IPPK: variants seen among roughly 807,000 people sequenced by gnomAD.
The protein encoded by IPPK is IPK1 homolog.
A neutral mutation model predicts 64.6 loss-of-function variants in IPPK; 22 were observed. The observed-to-expected ratio is 0.34, with a 90% CI of 0.24 to 0.49. The LOEUF is 0.49. Ranked by LOEUF, IPPK falls within the 20% of genes least tolerant of loss-of-function variation. The pLI, the probability that IPPK is intolerant of heterozygous loss-of-function variation, is 0.99. For missense variants in IPPK, 532 were observed against 630.7 expected (o/e 0.84, Z 1.68); for synonymous variants, 262 against 247.2 (o/e 1.06, Z -0.56).
At chr9:92,617,399 G>C (rs756270807) in intron 12 of IPPK, 1 of 152,332 alleles carries the variant, frequency 6.6e-6, no homozygotes, top group Non-Finnish European at 1.5e-5. Flanking sequence ...GGCAGCTCCC[G>C]GGGAGGGTCT....
chr9:92,629,508 T>C (rs544783801), intron 11 of IPPK, among the ~76,000 whole-genome samples: 1 of 152,082 alleles, frequency 6.6e-6, no homozygotes, highest in African/African-American at 2.4e-5. Context: ...TCCCAGCATT[T>C]TGGGAGGCCG....
Position 92,614,760 on chromosome 9 carries a change from A to G in IPPK, c.*1072T>C, listed in dbSNP as rs1261825097. 1 of 152,686 alleles carries G rather than the reference A, an allele frequency of 6.5e-6. No individual in the cohort carries two copies. The highest frequency in any genetic ancestry group is 1.5e-5 in the Non-Finnish European group (1 of 68,052). 9.5% of individuals were successfully genotyped at this position (152,686 alleles called of 1,614,324 possible). On this transcript the variant is annotated 3_prime_UTR_variant, in exon 13 of 13. Coordinates refer to ENST00000287996, the MANE Select transcript of IPPK (RefSeq NM_022755.6). The stretch of plus-strand genomic sequence containing the variant: ...GTCTGTACAACCTAGCATAGAATAA[A>G]AAACTGAAACCAAGATTCCCAACGT...
intron 10 of IPPK, 130 bp from the exon 11 acceptor site, chr9:92,634,618 T>C (rs1851904328): frequency 1.1e-5 from 7 of 659,906 alleles, no homozygotes; most frequent in Non-Finnish European, 1.9e-5. Context: ...ACATAACAGA[T>C]CTATCTCCCT....
Position 92,616,119 on chromosome 9 carries a change from T to C in IPPK, c.1251-62A>G, listed in dbSNP as rs940061095. 3 of 1,139,610 alleles carry C rather than the reference T, an allele frequency of 2.6e-6. No individual in the cohort carries two copies. The African/African-American group carries it at 4.6e-5, about 18-fold the overall frequency. The allele number at this position is 1,139,610 out of a possible 1,614,324, so 70.6% of individuals were successfully genotyped here. A position where few individuals can be genotyped will look rare whatever the true frequency, so the allele number is the denominator to read the frequency against. On this transcript the variant is annotated intron_variant, in intron 12 of 12. Coordinates refer to ENST00000287996, the MANE Select transcript of IPPK (RefSeq NM_022755.6). ...CCCCCATTCATTTCCCTCCCTCCCG[T>C]TCTCTCTCCCTTTCTTCTTTCAACT... is the stretch of plus-strand genomic sequence containing the variant.
rs1278422260 is a variant in IPPK at position 92,614,114 on chromosome 9, C to T, written c.*1718G>A. ...TGTTTTCATCGTGTCTAGTCCAGCC[C>T]TGTCTGGGCCCTGTGCTAGGCAATA... is the stretch of plus-strand genomic sequence containing the variant. On this transcript the variant is annotated 3_prime_UTR_variant, in exon 13 of 13. Transcript: ENST00000287996. The T allele has an allele frequency of 1.3e-5, 2 of 152,326 alleles. No homozygotes were observed. Among genetic ancestry groups the T allele is most frequent in the East Asian group, 3.8e-4 (2 of 5,204 alleles). 9.4% of individuals were successfully genotyped at this position (152,326 alleles called of 1,614,324 possible).
chr9:92,665,883 T>C (rs1852586106), intron 1 of IPPK, among the ~76,000 whole-genome samples: 1 of 152,050 alleles, frequency 6.6e-6, no homozygotes, highest in Admixed American at 6.5e-5. Context: ...AGAGAAACAG[T>C]AGAAGGGCAC....
chr9:92,668,706 G>A (rs1261370120), intron 1 of IPPK, among the ~76,000 whole-genome samples: 2 of 152,222 alleles, frequency 1.3e-5, no homozygotes, highest in African/African-American at 4.8e-5. Flanking sequence ...GAGAAGGACA[G>A]CTTTAGGTTA....
rs781434642 is a variant in IPPK at position 92,635,688 on chromosome 9, G to A, written c.917-380C>T. On this transcript the variant is annotated intron_variant, in intron 9 of 12. Transcript: ENST00000287996. This position sits in a 1 kb window ranked among gnomAD's most constrained non-coding sequence, Gnocchi z 4.4. ...TAGACATAATCCTCATTTTAAGTCA[G>A]GTCACAAAATTTCTTCTTTTTCTTT... Among the ~76,000 whole-genome samples the A allele has an allele frequency of 7.9e-5, 12 of 152,040 alleles. No homozygotes were observed. The highest frequency in any genetic ancestry group is 7.9e-4 in the Admixed American group (12 of 15,268).
rs2277166 is a variant in IPPK, at chr9:92,658,396, G to T, written c.129+238C>A. ...CAGGGCCCTCTGAGCAGGACCTACA[G>T]GCCAGGCCAGGGCAGCTCCTGGCTG... On this transcript the variant is annotated intron_variant, in intron 2 of 12. Coordinates refer to ENST00000287996, the MANE Select transcript of IPPK (RefSeq NM_022755.6). Among the ~76,000 whole-genome samples the T allele has an allele frequency of 0.29, 44,173 of 152,162 alleles. 7,342 individuals carry two copies. The highest frequency in any genetic ancestry group is 0.77 in the East Asian group (3,995 of 5,158).
chr9:92,620,386 C>A (rs1265961825), intron 11 of IPPK: 2 of 152,284 alleles, frequency 1.3e-5, no homozygotes, highest in Admixed American at 1.3e-4. Flanking sequence ...AGGACAGGCA[C>A]CACAATGCTC....
At chr9:92,649,268 C>G (rs1287772810) in intron 5 of IPPK, among the ~76,000 whole-genome samples, 185 bp downstream of exon 5, 1 of 152,108 alleles carries the variant, frequency 6.6e-6, no homozygotes, top group Non-Finnish European at 1.5e-5. Flanking sequence ...ATCTGGGAGC[C>G]ATGGCAGGAA....
At chr9:92,618,482 C>A (rs1228802118) in intron 12 of IPPK, 2 of 456,688 alleles carry the variant, frequency 4.4e-6, no homozygotes, top group Admixed American at 4.7e-5. Context: ...CACCTAAGGG[C>A]ACCCTGCATC....
At position 92,632,121 on chromosome 9, in the gene IPPK, C is replaced by T. The variant is rs531772785; in HGVS notation, c.1170+2265G>A. On this transcript the variant is annotated intron_variant, in intron 11 of 12. Coordinates refer to ENST00000287996, the MANE Select transcript of IPPK (RefSeq NM_022755.6). ...GTCTGTCTGACCCGCTGGAGGTCAC[C>T]GTGGAAAGACATGTGGGTGGTTTCC... Among the ~76,000 whole-genome samples, 5 of 152,276 alleles carry T rather than the reference C, an allele frequency of 3.3e-5. 1 individual carries two copies. The highest frequency in any genetic ancestry group is 6.8e-3 in the Middle Eastern group (2 of 294).
chr9:92,621,681 A>G (rs1429112108), intron 11 of IPPK, among the ~76,000 whole-genome samples: 2 of 151,816 alleles, frequency 1.3e-5, no homozygotes, highest in Non-Finnish European at 2.9e-5. Flanking sequence ...TACTCGGCTG[A>G]TTTTTAATTA....
intron 12 of IPPK, chr9:92,617,947 A>G (rs527558934): frequency 1.0e-4 from 32 of 308,676 alleles, no homozygotes; most frequent in Admixed American, 1.7e-4. Flanking sequence ...TAAGAAGTTT[A>G]AATGTGGTCA....
chr9:92,666,209 A>T (rs1362882146), intron 1 of IPPK, among the ~76,000 whole-genome samples: 1 of 152,038 alleles, frequency 6.6e-6, no homozygotes, highest in Non-Finnish European at 1.5e-5. Context: ...CCTGCTCCCC[A>T]AGGCTGAGGT....
At chr9:92,647,959 A>G (rs1852182505) in intron 6 of IPPK, 100 bp downstream of exon 6, 14 of 701,524 alleles carry the variant, frequency 2.0e-5, no homozygotes, top group Non-Finnish European at 3.1e-5. Flanking sequence ...AAAAATATCC[A>G]TATTTTCTTT....
In IPPK at chr9:92,617,672, G is replaced by C. The variant is rs369759936; in HGVS notation, c.1251-1615C>G. 8.7e-4 allele frequency: 136 copies of C among 156,312 alleles called. 1 individual carries two copies. The highest frequency in any genetic ancestry group is 3.1e-3 in the African/African-American group (127 of 41,604). The allele number at this position is 156,312 out of a possible 1,614,324, so 9.7% of individuals were successfully genotyped here. A position where few individuals can be genotyped will look rare whatever the true frequency, so the allele number is the denominator to read the frequency against. On this transcript the variant is annotated intron_variant, in intron 12 of 12. Transcript: ENST00000287996. The stretch of plus-strand genomic sequence containing the variant: ...CGTTCTCCAGGACACTGACCCGCTG[G>C]GGGTTACCGGGGGACCAGCAGCCTC...
At chr9:92,642,927 C>T in intron 6 of IPPK, 117 bp from the exon 7 acceptor site, 1 of 868,892 alleles carries the variant, frequency 1.2e-6, no homozygotes, top group Non-Finnish European at 1.9e-6. Flanking sequence ...TGCAGCCTTG[C>T]CCCGGAAAAG....
Sources: allele counts gnomAD v4.1 joint callset (sites outside exome capture counted in the v4.1 genomes callset), GRCh38; gene constraint gnomAD v4.1.1; non-coding constraint Gnocchi (gnomAD v3.1); transcripts MANE v1.5; gene names NCBI Gene and HGNC (gene_info 2026-07-23, HGNC 2026-07-21).